RAPGEF5: variants seen among roughly 807,000 people sequenced by gnomAD.
RAPGEF5 encodes Rap guanine nucleotide exchange factor 5, also known as M-Ras-regulated GEF.
A neutral mutation model predicts 125.2 loss-of-function variants in RAPGEF5; 65 were observed. The observed-to-expected ratio is 0.52, with a 90% confidence interval of 0.43 to 0.64. The LOEUF (loss-of-function observed/expected upper bound fraction) is 0.64. Among genes scored for constraint, RAPGEF5 ranks in the 30% least tolerant of loss-of-function variants. RAPGEF5 has a pLI of 0.00. For synonymous variants in RAPGEF5, 391 were observed against 385.9 expected (o/e 1.01, Z -0.16); for missense variants, 958 against 1,048.1 (o/e 0.91, Z 1.19).
Position 22,162,443 on chromosome 7 carries a change from T to C in RAPGEF5, c.1382A>G (p.Tyr461Cys), listed in dbSNP as rs1784032951. Reference sequence around the variant, plus strand: ...TTCATCTTCAGGTAACCAGTCTTTGTACAGAGCAATCCACTGGGAAACAAG... The same window carrying C: ...TTCATCTTCAGGTAACCAGTCTTTGCACAGAGCAATCCACTGGGAAACAAG... ...LHLVSQWIAL[Y>C]KDWLPEDEHS... Residue 461 changes from tyrosine (Y) to cysteine (C), a missense_variant, in exon 13 of 26, where the codon TAC (tyrosine) becomes TGC (cysteine). Physicochemically the swap from Tyr to Cys is radical, Grantham distance 194. Transcript: ENST00000665637. 1.2e-6 allele frequency: 2 copies of C among 1,600,884 alleles called. No homozygotes were observed. Among genetic ancestry groups the C allele is most frequent in the Non-Finnish European group, 8.6e-7 (1 of 1,168,102 alleles).
At chr7:22,276,407 G>T (rs968150382) in intron 6 of RAPGEF5, among the ~76,000 whole-genome samples, 1 of 151,846 alleles carries the variant, frequency 6.6e-6, no homozygotes. Context: ...CTCAATCATC[G>T]TGCCCTTTGG....
intron 8 of RAPGEF5, among the ~76,000 whole-genome samples, chr7:22,220,968 T>C (rs989078678): frequency 6.6e-6 from 1 of 152,202 alleles, no homozygotes; most frequent in Non-Finnish European, 1.5e-5. Flanking sequence ...TCTTAACGGT[T>C]TGTGCTAAAG....
At chr7:22,351,311 C>T (rs1462948676) in intron 1 of RAPGEF5, among the ~76,000 whole-genome samples, 2 of 152,046 alleles carry the variant, frequency 1.3e-5, no homozygotes, top group Non-Finnish European at 2.9e-5. Flanking sequence ...TTCTGTGTGC[C>T]CAAATAAAAG....
chr7:22,273,419 C>T (rs1289639309), intron 6 of RAPGEF5, among the ~76,000 whole-genome samples: 4 of 151,612 alleles, frequency 2.6e-5, no homozygotes, highest in African/African-American at 9.7e-5. Context: ...GGGGTTTCAC[C>T]ATGTTAGCCA....
intron 6 of RAPGEF5, among the ~76,000 whole-genome samples, chr7:22,275,980 G>A (rs1782545540): frequency 6.6e-6 from 1 of 152,174 alleles, no homozygotes; most frequent in Admixed American, 6.5e-5. Context: ...AAAAGAGCAG[G>A]TGTATCTGTG....
intron 15 of RAPGEF5, among the ~76,000 whole-genome samples, chr7:22,157,196 C>T (rs1249994758): frequency 6.6e-6 from 1 of 152,218 alleles, no homozygotes; most frequent in Non-Finnish European, 1.5e-5. Context: ...AGATAAACAT[C>T]ATTTCCCCAT....
Position 22,193,392 on chromosome 7 carries a change from C to T in RAPGEF5, c.1179G>A (p.Leu393=). Residue 393 remains leucine (L), a synonymous_variant, in exon 11 of 26, where the codon CTG becomes CTA. Coordinates refer to ENST00000665637, the MANE Select transcript of RAPGEF5 (RefSeq NM_012294.5). The part of the protein sequence containing the change: ...ILEHLLNDLH[L]EEVQDKETET... ...CTGTTTCTTTGTCCTGGACTTCTTC[C>T]AGGTGCAAGTCATTCAAAAGGTGCT... 1.3e-6 allele frequency: 2 copies of T among 1,594,340 alleles called. No homozygotes were observed. The highest frequency in any genetic ancestry group is 1.7e-6 in the Non-Finnish European group (2 of 1,169,674).
chr7:22,230,842 A>G lies in RAPGEF5; in HGVS notation c.870+4T>C. On this transcript the variant is annotated splice_donor_region_variant and intron_variant, in intron 8 of 25. Transcript: ENST00000665637. ...ATGAGGGGCTGTCACAGAATTGATC[A>G]TACCTGAGAATCTGGAACACTTTCG... 3 of 1,564,490 alleles carry G rather than the reference A, an allele frequency of 1.9e-6. No homozygotes were observed. The highest frequency in any genetic ancestry group is 2.6e-6 in the Non-Finnish European group (3 of 1,152,192).
At chr7:22,327,563 C>A (rs574909970) in intron 1 of RAPGEF5, among the ~76,000 whole-genome samples, 24 of 152,286 alleles carry the variant, frequency 1.6e-4, no homozygotes, top group African/African-American at 5.8e-4. Flanking sequence ...CCTCTCCTCC[C>A]GGGAGGCAGC....
At chr7:22,239,364 G>A (rs1377890012) in intron 7 of RAPGEF5, among the ~76,000 whole-genome samples, 6 of 152,090 alleles carry the variant, frequency 3.9e-5, no homozygotes, top group African/African-American at 9.7e-5. Context: ...TTTTATTAAC[G>A]TTTGAATAAA....
intron 25 of RAPGEF5, 52 bp from the exon 26 acceptor site, chr7:22,122,573 A>G (rs1782613889): frequency 1.5e-6 from 2 of 1,352,226 alleles, no homozygotes; most frequent in Non-Finnish European, 2.1e-6. Context: ...GTAATGCTGT[A>G]TCTACATACC....
chr7:22,149,939 C>T (rs934003234), intron 18 of RAPGEF5, among the ~76,000 whole-genome samples: 1 of 8,064 alleles, frequency 1.2e-4, no homozygotes, highest in African/African-American at 4.6e-4. Flanking sequence ...ATTGCTCAAC[C>T]CCTTTTTGAT....
intron 9 of RAPGEF5, among the ~76,000 whole-genome samples, chr7:22,211,280 G>A (rs1030502036): frequency 3.3e-5 from 5 of 152,166 alleles, no homozygotes; most frequent in Non-Finnish European, 5.9e-5. Flanking sequence ...GAATGACTCA[G>A]AAATCACCAA....
At chr7:22,317,248 T>TC (rs1562526125) in intron 2 of RAPGEF5, among the ~76,000 whole-genome samples, 2 of 150,414 alleles carry the variant, frequency 1.3e-5, no homozygotes, top group African/African-American at 4.9e-5. Context: ...TTTTCTTTTT[T>TC]TTTTTTTTTT....
At chr7:22,183,010 C>A (rs1318286955) in intron 11 of RAPGEF5, among the ~76,000 whole-genome samples, 1 of 152,104 alleles carries the variant, frequency 6.6e-6, no homozygotes, top group African/African-American at 2.4e-5. Context: ...CAGTGGCTCA[C>A]GCCTATAATC....
At chr7:22,306,710 T>C (rs4719691) in intron 5 of RAPGEF5, among the ~76,000 whole-genome samples, 42,589 of 152,090 alleles carry the variant, frequency 0.28, 6,517 homozygotes, top group East Asian at 0.66. Flanking sequence ...AGTCTTTAAA[T>C]CATTTTGATT....
intron 11 of RAPGEF5, among the ~76,000 whole-genome samples, chr7:22,180,836 G>A (rs751824659): frequency 2.0e-5 from 3 of 152,274 alleles, no homozygotes; most frequent in East Asian, 1.9e-4. Context: ...ATGTGCTGAC[G>A]AAGACACAGT....
Position 22,345,657 on chromosome 7 carries a change from T to G in RAPGEF5, c.231+11173A>C, listed in dbSNP as rs553480862. Among the ~76,000 whole-genome samples the G allele has an allele frequency of 9.9e-5, 15 of 151,488 alleles. 2 individuals carry two copies. Among genetic ancestry groups the G allele is most frequent in the Middle Eastern group, 3.5e-3 (1 of 288 alleles). ...TGGGCTTTTTTAAGATCTAGCTTCATTTGAGATACTCAAGGTAGATTAGAA... is the reference window on the plus strand; with the variant it reads ...TGGGCTTTTTTAAGATCTAGCTTCAGTTGAGATACTCAAGGTAGATTAGAA... On this transcript the variant is annotated intron_variant, in intron 1 of 25. Transcript: ENST00000665637.
intron 21 of RAPGEF5, among the ~76,000 whole-genome samples, chr7:22,138,420 G>A (rs1165773912): frequency 6.6e-6 from 1 of 152,148 alleles, no homozygotes; most frequent in Non-Finnish European, 1.5e-5. Context: ...CTTTACCAAA[G>A]CAGTTTGCTG....
Sources: allele counts gnomAD v4.1 joint callset (sites outside exome capture counted in the v4.1 genomes callset), GRCh38; gene constraint gnomAD v4.1.1; transcripts MANE v1.5; gene names NCBI Gene and HGNC (gene_info 2026-07-23, HGNC 2026-07-21).